Variants in DYNC2H1 observed in about 807,000 individuals in gnomAD.
DYNC2H1 encodes the protein cytoplasmic dynein 2 heavy chain 1.
Under a neutral mutation model 570.0 loss-of-function variants are expected in DYNC2H1, and 410 were observed. That is an observed-to-expected ratio of 0.72 (90% CI 0.66 to 0.78). DYNC2H1 has a LOEUF of 0.78. DYNC2H1 is among the 30% of genes least tolerant of loss of function. DYNC2H1 has a pLI of 0.00. For synonymous variants in DYNC2H1, 1,688 were observed against 1,677.6 expected, an observed-to-expected ratio of 1.01 and a Z score of -0.15; for missense variants, 4,865 against 5,046.4, an observed-to-expected ratio of 0.96 and a Z score of 1.09.
intron 85 of DYNC2H1, among the ~76,000 whole-genome samples, chr11:103,453,490 T>C (rs1041785466): frequency 6.6e-6 from 1 of 151,810 alleles, no homozygotes; most frequent in South Asian, 2.1e-4. Context: ...ACCTTTAAGC[T>C]TAATAGCTTA....
chr11:103,243,395 T>C lies in DYNC2H1; in HGVS notation c.9820-298T>C, dbSNP rs1015896602. ...TTGAGACTAAAGCTCTTGCTTAGCA[T>C]AATGTTAGTACAGATATTCTGTGTT... On this transcript the variant is annotated intron_variant, in intron 63 of 88. Coordinates refer to ENST00000375735, the MANE Select transcript of DYNC2H1 (RefSeq NM_001377.3). The surrounding 1 kb of genome is among the most constrained non-coding windows in gnomAD (Gnocchi z 4.8). Among the ~76,000 whole-genome samples, 9 of 152,160 alleles carry C rather than the reference T, an allele frequency of 5.9e-5. No homozygotes were observed. Among genetic ancestry groups the C allele is most frequent in the African/African-American group, 2.2e-4 (9 of 41,442 alleles).
intron 79 of DYNC2H1, among the ~76,000 whole-genome samples, chr11:103,313,260 T>A (rs1867678553): frequency 6.6e-6 from 1 of 152,200 alleles, no homozygotes; most frequent in Non-Finnish European, 1.5e-5. Context: ...CATGCTGGGC[T>A]TTTTTAAGGT....
At chr11:103,342,377 A>G (rs1369023880) in intron 82 of DYNC2H1, among the ~76,000 whole-genome samples, 1 of 152,126 alleles carries the variant, frequency 6.6e-6, no homozygotes, top group African/African-American at 2.4e-5. Context: ...GGGGACAAAT[A>G]AGGGAATAAA....
intron 39 of DYNC2H1, among the ~76,000 whole-genome samples, chr11:103,180,154 C>T (rs904900095): frequency 6.6e-6 from 1 of 151,602 alleles, no homozygotes; most frequent in Non-Finnish European, 1.5e-5. Context: ...TTCATAGCAG[C>T]ATTTGCACAC....
chr11:103,421,558 C>A (rs1406416879), intron 84 of DYNC2H1, among the ~76,000 whole-genome samples: 1 of 152,094 alleles, frequency 6.6e-6, no homozygotes, highest in Non-Finnish European at 1.5e-5. Flanking sequence ...GAAATTAACT[C>A]AAAACACCAC....
chr11:103,446,802 CAA>C lies in DYNC2H1; in HGVS notation c.12457-8383_12457-8382del, dbSNP rs2135782763. On this transcript the variant is annotated intron_variant, in intron 85 of 88. Coordinates refer to ENST00000375735, the MANE Select transcript of DYNC2H1 (RefSeq NM_001377.3). This position sits in a 1 kb window ranked among gnomAD's most constrained non-coding sequence, Gnocchi z 4.5. ...TAAAAAGGCAAGAGGAAATAGGGCC[CAA>C]TGCACATGTGGAAAGATAGGCCTTA... 6.6e-6 allele frequency among the ~76,000 whole-genome samples: 1 copy of C among 151,926 alleles called. No homozygotes were observed. The highest frequency in any genetic ancestry group is 1.9e-4 in the East Asian group (1 of 5,184).
Position 103,243,831 on chromosome 11 carries a change from C to T in DYNC2H1, c.9918+40C>T. 1 of 1,442,972 alleles carries T rather than the reference C, an allele frequency of 6.9e-7. No individual in the cohort carries two copies. Among genetic ancestry groups the T allele is most frequent in the Non-Finnish European group, 9.5e-7 (1 of 1,055,360 alleles). 89.4% of individuals were successfully genotyped at this position (1,442,972 alleles called of 1,614,324 possible). The stretch of plus-strand genomic sequence containing the variant: ...TAATTTACATACCAATTAGGAATGA[C>T]CTCTTATAGTGAAAAGATCTTGGAG... On this transcript the variant is annotated intron_variant, in intron 64 of 88. Coordinates refer to ENST00000375735, the MANE Select transcript of DYNC2H1 (RefSeq NM_001377.3). This position sits in a 1 kb window ranked among gnomAD's most constrained non-coding sequence, Gnocchi z 4.8.
chr11:103,430,073 A>G (rs960650707), intron 84 of DYNC2H1, among the ~76,000 whole-genome samples: 1 of 152,214 alleles, frequency 6.6e-6, no homozygotes, highest in African/African-American at 2.4e-5. Flanking sequence ...TTGAGAAACA[A>G]GCTATTATTT....
At chr11:103,392,340 C>G (rs774712832) in intron 83 of DYNC2H1, among the ~76,000 whole-genome samples, 3 of 152,188 alleles carry the variant, frequency 2.0e-5, no homozygotes, top group Non-Finnish European at 4.4e-5. Flanking sequence ...TTGCTAAGAC[C>G]GTTGGAAAAG....
intron 57 of DYNC2H1, 107 bp downstream of exon 57, chr11:103,220,890 T>C (rs1863560863): frequency 7.9e-6 from 8 of 1,017,376 alleles, no homozygotes; most frequent in Non-Finnish European, 9.7e-6. Flanking sequence ...TTCATCTAAA[T>C]ACATGGGTGT....
intron 12 of DYNC2H1, 29 bp downstream of exon 12, chr11:103,125,324 C>T: frequency 6.6e-7 from 1 of 1,504,266 alleles, no homozygotes. Flanking sequence ...TGAATACCTG[C>T]CTATTTGGAG....
intron 78 of DYNC2H1, among the ~76,000 whole-genome samples, chr11:103,310,282 C>T (rs1021083899): frequency 1.1e-4 from 17 of 151,774 alleles, no homozygotes; most frequent in South Asian, 2.1e-4. Context: ...TTTTCTTCTT[C>T]CTGATTTCTT....
chr11:103,116,640 T>C lies in DYNC2H1; in HGVS notation c.692T>C (p.Val231Ala), dbSNP rs1379999948. The stretch of plus-strand genomic sequence containing the variant: ...TTGGTGGAGACTACTCAGGATGTTG[T>C]AGATGATGTGTGGAGACAAACAGAA... ...VDLVETTQDV[V>A]DDVWRQTEHD... The change falls in exon 5 of 89, where the codon GTA becomes GCA. Residue 231 changes from valine to alanine, a missense_variant. Physicochemically the swap from Val to Ala is moderately conservative, Grantham distance 64. This residue lies in a region of DYNC2H1 where 1,936 missense variants were observed against 1,962.1 expected (regional missense o/e 0.99). Transcript: ENST00000375735. 1 of 1,610,594 alleles carries C rather than the reference T, an allele frequency of 6.2e-7. No individual in the cohort carries two copies. Among genetic ancestry groups the C allele is most frequent in the East Asian group, 2.2e-5 (1 of 44,682 alleles).
intron 80 of DYNC2H1, among the ~76,000 whole-genome samples, chr11:103,318,258 G>C (rs1242978861): frequency 6.6e-6 from 1 of 152,080 alleles, no homozygotes; most frequent in Non-Finnish European, 1.5e-5. Flanking sequence ...AACATTATAA[G>C]TACCACTGAA....
intron 65 of DYNC2H1, among the ~76,000 whole-genome samples, chr11:103,246,266 G>A (rs556835984): frequency 6.6e-6 from 1 of 152,186 alleles, no homozygotes; most frequent in East Asian, 1.9e-4. Context: ...TGGTCCTTCT[G>A]TTGGGGGTAA....
chr11:103,384,597 G>T (rs1941799581), intron 83 of DYNC2H1, among the ~76,000 whole-genome samples: 1 of 151,328 alleles, frequency 6.6e-6, no homozygotes, highest in South Asian at 2.1e-4. Flanking sequence ...CTTTTTAGTT[G>T]GTATTCTGTA....
chr11:103,412,988 A>G (rs1017096264), intron 84 of DYNC2H1, among the ~76,000 whole-genome samples: 2 of 151,908 alleles, frequency 1.3e-5, no homozygotes, highest in South Asian at 4.2e-4. Context: ...TGGCAGAAAT[A>G]TGAATTCTTG....
Position 103,148,522 on chromosome 11 carries a change from G to T in DYNC2H1, c.2851G>T (p.Glu951Ter). The T allele has an allele frequency of 6.4e-7, 1 of 1,564,184 alleles. No individual in the cohort carries two copies. Among genetic ancestry groups the T allele is most frequent in the Non-Finnish European group, 8.7e-7 (1 of 1,152,670 alleles). Residue 951 changes from glutamate to a stop codon, truncating the protein, a stop_gained, in exon 20 of 89, where the codon GAG (glutamate) becomes TAG (stop). Coordinates refer to ENST00000375735, the MANE Select transcript of DYNC2H1 (RefSeq NM_001377.3). LOFTEE classifies it high-confidence loss of function. The part of the protein sequence containing the change: ...HLHEIDTFVT[E>*]AMEVLTIMPQ... The stretch of plus-strand genomic sequence containing the variant: ...ACATGAAATTGATACATTTGTTACT[G>T]AGGCTATGGAAGTCTTAACAATTAT...
chr11:103,347,429 T>G (rs1304947095), intron 82 of DYNC2H1, among the ~76,000 whole-genome samples: 2 of 93,092 alleles, frequency 2.1e-5, no homozygotes, highest in East Asian at 6.7e-4. Flanking sequence ...GTTATATCAT[T>G]TTTTTTTTCT....
Sources: allele counts gnomAD v4.1 joint callset (sites outside exome capture counted in the v4.1 genomes callset), GRCh38; gene constraint gnomAD v4.1.1; regional missense constraint gnomAD v4.1.1; non-coding constraint Gnocchi (gnomAD v3.1); transcripts MANE v1.5; gene names NCBI Gene and HGNC (gene_info 2026-07-23, HGNC 2026-07-21).